USH2A: variants seen among roughly 807,000 people sequenced by gnomAD.
The protein encoded by USH2A is Usher syndrome 2A (autosomal recessive, mild).
A neutral mutation model predicts 538.9 loss-of-function variants in USH2A; 443 were observed. The observed-to-expected ratio is 0.82, with a 90% CI of 0.76 to 0.89. The LOEUF (loss-of-function observed/expected upper bound fraction) is 0.89. USH2A is among the 40% of genes least tolerant of loss of function. The probability of loss-of-function intolerance (pLI) is 0.00; values close to 1 mark genes in which losing one functional copy is unlikely to be tolerated. For missense variants in USH2A, 6,633 were observed against 6,324.8 expected, an observed-to-expected ratio of 1.05 and a Z score of -1.65; for synonymous variants, 2,413 against 2,273.5, an observed-to-expected ratio of 1.06 and a Z score of -1.75.
At chr1:215,863,474 A>G (rs1329652896) in intron 44 of USH2A, among the ~76,000 whole-genome samples, 5 of 152,206 alleles carry the variant, frequency 3.3e-5, no homozygotes, top group Non-Finnish European at 7.4e-5. Context: ...TAGCTATCAA[A>G]CCTGGTAGTT....
chr1:216,070,324 A>G, intron 29 of USH2A, 32 bp from the exon 30 acceptor site: 1 of 1,606,788 alleles, frequency 6.2e-7, no homozygotes, highest in African/African-American at 1.3e-5. Flanking sequence ...AATAGGGAAA[A>G]TGGCAGTTCT....
At chr1:216,093,645 T>C (rs1381033755) in intron 22 of USH2A, among the ~76,000 whole-genome samples, 1 of 152,158 alleles carries the variant, frequency 6.6e-6, no homozygotes, top group Non-Finnish European at 1.5e-5. Context: ...TCAAAAGAGA[T>C]GGCAGTCATG....
intron 35 of USH2A, among the ~76,000 whole-genome samples, chr1:215,985,924 C>A (rs906391236): frequency 3.9e-5 from 6 of 152,200 alleles, no homozygotes; most frequent in Non-Finnish European, 7.4e-5. Flanking sequence ...AAATAATCAA[C>A]CTGCTAAGAT....
At chr1:216,418,802 A>C (rs542197884) in intron 2 of USH2A, 123 bp from the exon 3 acceptor site, 1 of 919,206 alleles carries the variant, frequency 1.1e-6, no homozygotes. Flanking sequence ...GTGTACTATG[A>C]ATAAGTGCCT....
intron 61 of USH2A, among the ~76,000 whole-genome samples, chr1:215,715,855 G>T (rs1229822725): frequency 6.6e-6 from 1 of 152,232 alleles, no homozygotes; most frequent in African/African-American, 2.4e-5. Context: ...CCATTAGGAA[G>T]GCAGGAGCAA....
chr1:215,640,379 C>A (rs1375543918), intron 68 of USH2A, among the ~76,000 whole-genome samples, 179 bp downstream of exon 68: 3 of 151,998 alleles, frequency 2.0e-5, no homozygotes, highest in Non-Finnish European at 4.4e-5. Context: ...TGTCAAGCTG[C>A]AAATGGGAAG....
At chr1:216,181,811 C>A (rs3767681) in intron 20 of USH2A, among the ~76,000 whole-genome samples, 1 of 152,040 alleles carries the variant, frequency 6.6e-6, no homozygotes, top group East Asian at 1.9e-4. Context: ...AGCAAAGTAT[C>A]GATTTCTTCA....
rs1438596095 is a variant in USH2A, at chr1:216,231,338, T to A, written c.2993+615A>T. ...AGAGAAAGTATGAGTATGTGTATTT[T>A]CTTCTTCAGATATGTCTTTTCCTGT... On this transcript the variant is annotated intron_variant, in intron 14 of 71. Coordinates refer to ENST00000307340, the MANE Select transcript of USH2A (RefSeq NM_206933.4). Among the ~76,000 whole-genome samples the A allele has an allele frequency of 2.2e-5, 3 of 134,214 alleles. No homozygotes were observed. In the Admixed American group the frequency reaches 2.4e-4, roughly 11 times the overall value. The allele number at this position is 134,214 out of a possible 152,430, so 88.0% of individuals were successfully genotyped here. A position where few individuals can be genotyped will look rare whatever the true frequency, so the allele number is the denominator to read the frequency against.
At chr1:215,647,040 C>T (rs547882124) in intron 67 of USH2A, among the ~76,000 whole-genome samples, 9 of 152,274 alleles carry the variant, frequency 5.9e-5, no homozygotes, top group East Asian at 5.8e-4. Flanking sequence ...CATCGTTAAG[C>T]GATGCGTGAC....
chr1:215,802,914 T>C (rs904546602), intron 49 of USH2A, among the ~76,000 whole-genome samples: 13 of 152,092 alleles, frequency 8.5e-5, no homozygotes, highest in African/African-American at 2.7e-4. Flanking sequence ...ATACATACAA[T>C]GAGACATTAT....
At chr1:215,658,048 C>G (rs1657318938) in intron 64 of USH2A, among the ~76,000 whole-genome samples, 1 of 151,262 alleles carries the variant, frequency 6.6e-6, no homozygotes, top group Admixed American at 6.6e-5. Flanking sequence ...ATTCTCCTGC[C>G]TCAGCCTCCC....
chr1:215,856,211 C>T (rs2102831967), intron 44 of USH2A, among the ~76,000 whole-genome samples: 1 of 152,296 alleles, frequency 6.6e-6, no homozygotes, highest in East Asian at 1.9e-4. Flanking sequence ...TAAAAAGCTT[C>T]TGCACAGCAA....
chr1:215,683,159 A>G (rs1658294888), intron 61 of USH2A, among the ~76,000 whole-genome samples: 1 of 151,866 alleles, frequency 6.6e-6, no homozygotes, highest in African/African-American at 2.4e-5. Context: ...AAGTGCTGGG[A>G]TTACAGGTGC....
intron 9 of USH2A, among the ~76,000 whole-genome samples, chr1:216,298,306 C>T (rs2037144816): frequency 6.6e-6 from 1 of 152,146 alleles, no homozygotes; most frequent in African/African-American, 2.4e-5. Context: ...TGGAGCAAAT[C>T]CAGCAAAAGC....
intron 35 of USH2A, among the ~76,000 whole-genome samples, chr1:215,971,493 T>A (rs1667493972): frequency 6.6e-6 from 1 of 152,012 alleles, no homozygotes; most frequent in African/African-American, 2.4e-5. Context: ...TGGTGACTCA[T>A]ACCTGTAATC....
chr1:216,028,707 T>C (rs1190426439), intron 32 of USH2A, among the ~76,000 whole-genome samples: 1 of 152,128 alleles, frequency 6.6e-6, no homozygotes, highest in Non-Finnish European at 1.5e-5. Flanking sequence ...ATCCTTCATA[T>C]ATATTAAAAC....
At chr1:215,897,319 G>A (rs1202897098) in intron 40 of USH2A, among the ~76,000 whole-genome samples, 9 of 152,110 alleles carry the variant, frequency 5.9e-5, no homozygotes, top group African/African-American at 4.8e-5. Flanking sequence ...TTGATGGTAT[G>A]GAATTTAAAT....
chr1:216,207,807 C>G (rs2035150613), intron 15 of USH2A, among the ~76,000 whole-genome samples: 2 of 148,554 alleles, frequency 1.3e-5, no homozygotes, highest in South Asian at 4.2e-4. Context: ...TCCATTGAAA[C>G]TTGAAATTTA....
chr1:215,649,259 G>C (rs571581682), intron 65 of USH2A, among the ~76,000 whole-genome samples: 1 of 152,266 alleles, frequency 6.6e-6, no homozygotes, highest in East Asian at 1.9e-4. Context: ...ATAAGTATTG[G>C]AGGGCTTGAA....
Sources: allele counts gnomAD v4.1 joint callset (sites outside exome capture counted in the v4.1 genomes callset), GRCh38; gene constraint gnomAD v4.1.1; transcripts MANE v1.5; gene names NCBI Gene and HGNC (gene_info 2026-07-23, HGNC 2026-07-21).